The following PRKCZ variants were observed in gnomAD, a reference collection of about 807,000 sequenced individuals.
The protein encoded by PRKCZ is protein kinase C zeta.
In PRKCZ, 33 loss-of-function variants were observed where a neutral mutation model predicts 79.5. The ratio of observed to expected loss-of-function variants is 0.41; its 90% CI spans 0.31 to 0.55. PRKCZ has a LOEUF of 0.55. PRKCZ is among the 20% of genes least tolerant of loss of function. The pLI is 0.19. For synonymous variants in PRKCZ, 342 were observed against 320.9 expected, an observed-to-expected ratio of 1.07 and a Z score of -0.70; for missense variants, 578 against 813.5, an observed-to-expected ratio of 0.71 and a Z score of 3.52.
intron 4 of PRKCZ, among the ~76,000 whole-genome samples, chr1:2,126,895 C>T (rs946992012): frequency 1.3e-5 from 2 of 152,254 alleles, no homozygotes; most frequent in African/African-American, 4.8e-5. Context: ...ATCACTGACA[C>T]CCTGATACCC....
intron 4 of PRKCZ, among the ~76,000 whole-genome samples, chr1:2,087,089 T>G (rs945699394): frequency 6.2e-4 from 94 of 152,126 alleles, no homozygotes; most frequent in African/African-American, 2.2e-3. Flanking sequence ...CATTCTTTTA[T>G]TTATTTTTTT....
chr1:2,164,810 C>A (rs1428938468), intron 10 of PRKCZ, among the ~76,000 whole-genome samples: 1 of 152,150 alleles, frequency 6.6e-6, no homozygotes, highest in African/African-American at 2.4e-5. Context: ...GGGCAGCTGC[C>A]TCGCTCCGCC....
chr1:2,112,092 A>G (rs1669852897), intron 4 of PRKCZ, among the ~76,000 whole-genome samples: 1 of 152,222 alleles, frequency 6.6e-6, no homozygotes, highest in Admixed American at 6.5e-5. Flanking sequence ...AAACTGAGTG[A>G]AAATCGCTGC....
intron 3 of PRKCZ, 135 bp downstream of exon 3, chr1:2,056,708 C>G: frequency 2.9e-6 from 2 of 689,698 alleles, no homozygotes; most frequent in Non-Finnish European, 4.4e-6. Flanking sequence ...AATATAATGC[C>G]ATTTGGGTTT....
chr1:2,155,386 T>C (rs1680790128), intron 9 of PRKCZ, among the ~76,000 whole-genome samples: 1 of 151,316 alleles, frequency 6.6e-6, no homozygotes. Context: ...GTGGTGATGA[T>C]GGAGATGGTG....
chr1:2,054,823 C>A (rs973660422), intron 1 of PRKCZ, among the ~76,000 whole-genome samples: 1 of 152,260 alleles, frequency 6.6e-6, no homozygotes, highest in East Asian at 1.9e-4. Context: ...AGTGCCCGAC[C>A]AGGTAACGTT....
rs1557502278 is a variant in PRKCZ at position 2,075,783 on chromosome 1, CTGGT to C, written c.334+16193_334+16196del. 2.0e-5 allele frequency among the ~76,000 whole-genome samples: 3 copies of C among 152,228 alleles called. No individual in the cohort carries two copies. The highest frequency in any genetic ancestry group is 4.8e-5 in the African/African-American group (2 of 41,462). On this transcript the variant is annotated intron_variant, in intron 4 of 17. Coordinates refer to ENST00000378567, the MANE Select transcript of PRKCZ (RefSeq NM_002744.6). The surrounding 1 kb of genome is among the most constrained non-coding windows in gnomAD (Gnocchi z 4.8). ...GGGTGCCCCAGACCTTCCACGGGGT[CTGGT>C]GGGGACCTGCCAGGGCTGTCAATGG... is the stretch of plus-strand genomic sequence containing the variant.
At chr1:2,123,321 TCA>T (rs1672889916) in intron 4 of PRKCZ, among the ~76,000 whole-genome samples, 1 of 37,890 alleles carries the variant, frequency 2.6e-5, no homozygotes, top group African/African-American at 2.0e-4. Context: ...GTGGTTAGGG[TCA>T]TGGTGGTGGT....
In PRKCZ at chr1:2,172,419, G is replaced by A; in HGVS notation, c.1285+31G>A. 6.3e-7 allele frequency: 1 copy of A among 1,595,748 alleles called. No individual in the cohort carries two copies. The highest frequency in any genetic ancestry group is 8.5e-7 in the Non-Finnish European group (1 of 1,170,320). ...TGCCGCTGCCCTGGCCCCTCTCGGA[G>A]CACACAGGGCCAGAGATGGCTTCGG... On this transcript the variant is annotated intron_variant, in intron 13 of 17. Transcript: ENST00000378567. The surrounding 1 kb of genome is among the most constrained non-coding windows in gnomAD (Gnocchi z 7.8).
In PRKCZ at chr1:2,050,961, T is replaced by C. The variant is rs530956171; in HGVS notation, c.71+260T>C. The C allele has an allele frequency of 2.2e-3, 808 of 359,400 alleles. 7 individuals carry two copies. Among genetic ancestry groups the C allele is most frequent in the African/African-American group, 0.016 (745 of 47,464 alleles). The allele number at this position is 359,400 out of a possible 1,614,324, so 22.3% of individuals were successfully genotyped here. A position where few individuals can be genotyped will look rare whatever the true frequency, so the allele number is the denominator to read the frequency against. ...CGCGAGCTCCTCGGCCCGGTCATTG[T>C]GGTAGACGTTTTCGCTGGAAAGTTG... On this transcript the variant is annotated intron_variant, in intron 1 of 17. Coordinates refer to ENST00000378567, the MANE Select transcript of PRKCZ (RefSeq NM_002744.6).
In PRKCZ at chr1:2,143,025, CTTT is replaced by C. The variant is rs1171233546; in HGVS notation, c.421-1166_421-1164del. 1.1e-4 allele frequency: 14 copies of C among 123,272 alleles called. No homozygotes were observed. In the South Asian group the frequency reaches 2.6e-3, roughly 23 times the overall value. The allele number at this position is 123,272 out of a possible 1,614,324, so 7.6% of individuals were successfully genotyped here. On this transcript the variant is annotated intron_variant, in intron 5 of 17. Coordinates refer to ENST00000378567, the MANE Select transcript of PRKCZ (RefSeq NM_002744.6). The stretch of plus-strand genomic sequence containing the variant: ...TTCACAGTACACTGTATTTCCTCTT[CTTT>C]TTTTTTTTTTTTTTTTTTGAGATGG...
At chr1:2,169,679 CTGGGTGGGTGCGCACAGAGGGATGA>C in intron 11 of PRKCZ, 75 bp downstream of exon 11, 1 of 483,662 alleles carries the variant, frequency 2.1e-6, no homozygotes, top group Non-Finnish European at 3.0e-6. Context: ...TGTTGGGGGG[CTGGGTGGGTGCGCACAGAGGGATGA>C]CGGGTGGGTG....
In PRKCZ at chr1:2,132,057, C is replaced by T. The variant is rs572254201; in HGVS notation, c.335-3205C>T. 2.3e-3 allele frequency among the ~76,000 whole-genome samples: 343 copies of T among 152,290 alleles called. 3 individuals carry two copies. Among genetic ancestry groups the T allele is most frequent in the Non-Finnish European group, 4.2e-3 (289 of 68,026 alleles). On this transcript the variant is annotated intron_variant, in intron 4 of 17. Transcript: ENST00000378567. Reference sequence around the variant, plus strand: ...CGATCTCCTGACCTTGTGATCTGCCCGCCTCGGCCTCCCAAAGTGCTGGGA... The same window carrying T: ...CGATCTCCTGACCTTGTGATCTGCCTGCCTCGGCCTCCCAAAGTGCTGGGA...
Position 2,148,940 on chromosome 1 carries a change from A to G in PRKCZ, c.687+16A>G, listed in dbSNP as rs1372857592. ...CGACTCGGAGGTGAGTGTGTGGAGC[A>G]GCTCGCTGCCATTTCCGACGTCCTC... On this transcript the variant is annotated intron_variant, in intron 8 of 17. Transcript: ENST00000378567. The G allele has an allele frequency of 1.2e-6, 2 of 1,612,886 alleles. No homozygotes were observed. Among genetic ancestry groups the G allele is most frequent in the Non-Finnish European group, 1.7e-6 (2 of 1,178,932 alleles).
At chr1:2,073,547 C>G in intron 4 of PRKCZ, 1 of 867,288 alleles carries the variant, frequency 1.2e-6, no homozygotes, top group Non-Finnish European at 1.4e-6. Flanking sequence ...CCGAGCCCTG[C>G]CTGGGTCTGG....
chr1:2,157,423 T>G (rs1182262424), intron 10 of PRKCZ, among the ~76,000 whole-genome samples: 1 of 151,964 alleles, frequency 6.6e-6, no homozygotes, highest in Non-Finnish European at 1.5e-5. Flanking sequence ...TTTAATGTGC[T>G]TTTCTTGTTT....
At chr1:2,158,363 G>A (rs1206003940) in intron 10 of PRKCZ, among the ~76,000 whole-genome samples, 9 of 152,208 alleles carry the variant, frequency 5.9e-5, no homozygotes, top group Admixed American at 2.6e-4. Context: ...CTTCCTGTGC[G>A]TGTGGACGAG....
intron 11 of PRKCZ, among the ~76,000 whole-genome samples, chr1:2,171,396 C>T (rs1401618693): frequency 1.2e-4 from 18 of 145,586 alleles, no homozygotes; most frequent in Admixed American, 8.8e-4. Flanking sequence ...GATGGAGTCT[C>T]GCTCTGTCAC....
intron 4 of PRKCZ, chr1:2,104,618 T>C: frequency 1.1e-6 from 1 of 940,984 alleles, no homozygotes; most frequent in Non-Finnish European, 1.3e-6. Flanking sequence ...GATGAGGCCC[T>C]GGGGTGGAGC....
Sources: gnomAD v4.1 joint callset for allele counts (sites outside exome capture counted in the v4.1 genomes callset) on GRCh38, gnomAD v4.1.1 for gene constraint, Gnocchi (gnomAD v3.1) non-coding constraint, MANE v1.5 for transcripts, NCBI Gene and HGNC (gene_info 2026-07-23, HGNC 2026-07-21) for gene names.